MCF2L2: variants seen among roughly 807,000 people sequenced by gnomAD.
The protein encoded by MCF2L2 is MCF.2 cell line derived transforming sequence-like 2.
Under a neutral mutation model 150.2 loss-of-function variants are expected in MCF2L2, and 102 were observed. The ratio of observed to expected loss-of-function variants is 0.68; its 90% CI spans 0.58 to 0.80. MCF2L2 has a LOEUF of 0.80. Among genes scored for constraint, MCF2L2 ranks in the 30% least tolerant of loss-of-function variants. MCF2L2 has a pLI of 0.00. For missense variants in MCF2L2, 1,256 were observed against 1,372.8 expected, an observed-to-expected ratio of 0.91 and a Z score of 1.34; for synonymous variants, 465 against 491.3, an observed-to-expected ratio of 0.95 and a Z score of 0.71.
At chr3:183,396,942 A>AT (rs1714497646) in intron 1 of MCF2L2, among the ~76,000 whole-genome samples, 1 of 152,184 alleles carries the variant, frequency 6.6e-6, no homozygotes, top group Non-Finnish European at 1.5e-5. Context: ...AAACTGAATC[A>AT]TCCCCAGGGC....
At chr3:183,385,591 A>G (rs766686638) in intron 2 of MCF2L2, among the ~76,000 whole-genome samples, 5 of 152,230 alleles carry the variant, frequency 3.3e-5, no homozygotes, top group African/African-American at 7.2e-5. Flanking sequence ...AGAGGGAGAG[A>G]AAGTGAAAGA....
At chr3:183,230,697 G>A (rs914735473) in intron 16 of MCF2L2, among the ~76,000 whole-genome samples, 5 of 152,178 alleles carry the variant, frequency 3.3e-5, no homozygotes, top group Admixed American at 3.3e-4. Context: ...TTGTTGGCAA[G>A]AAGATGGTAA....
In MCF2L2 at chr3:183,272,891, A is replaced by C. The variant is rs1263772834; in HGVS notation, c.1862+3981T>G. On this transcript the variant is annotated intron_variant, in intron 15 of 29. Coordinates refer to ENST00000328913, the MANE Select transcript of MCF2L2 (RefSeq NM_015078.4). ...GTTTACAGCAGTGCTTTTGTGAAACAATTATTTATTTGCTGAAAGAGCTCT... is the reference window on the plus strand; with the variant it reads ...GTTTACAGCAGTGCTTTTGTGAAACCATTATTTATTTGCTGAAAGAGCTCT... 6 of 1,321,614 alleles carry C rather than the reference A, an allele frequency of 4.5e-6. No individual in the cohort carries two copies. In the African/African-American group the frequency reaches 4.6e-5, roughly 10 times the overall value. 81.9% of individuals were successfully genotyped at this position (1,321,614 alleles called of 1,614,324 possible). A position where few individuals can be genotyped will look rare whatever the true frequency, so the allele number is the denominator to read the frequency against.
At chr3:183,187,142 A>T (rs1040063190) in intron 27 of MCF2L2, among the ~76,000 whole-genome samples, 3 of 152,198 alleles carry the variant, frequency 2.0e-5, no homozygotes, top group African/African-American at 7.2e-5. Context: ...TAACACAAAA[A>T]AAAAGATAAT....
At chr3:183,295,776 G>A (rs867918158) in intron 12 of MCF2L2, among the ~76,000 whole-genome samples, 5 of 152,164 alleles carry the variant, frequency 3.3e-5, no homozygotes, top group Middle Eastern at 3.4e-3. Flanking sequence ...TGGTCAACAT[G>A]GTGAAATCAC....
chr3:183,205,979 T>C (rs1722455677), intron 24 of MCF2L2, 25 bp from the exon 25 acceptor site: 1 of 1,599,352 alleles, frequency 6.3e-7, no homozygotes, highest in Non-Finnish European at 8.6e-7. Context: ...AAGAAAACAC[T>C]ATAAGACTAC....
At position 183,248,047 on chromosome 3, in the gene MCF2L2, C is replaced by T. The variant is rs536469962; in HGVS notation, c.1863-17030G>A. Among the ~76,000 whole-genome samples the T allele has an allele frequency of 2.0e-5, 3 of 152,266 alleles. No homozygotes were observed. In the East Asian group the frequency reaches 5.8e-4, roughly 29 times the overall value. ...CCACACTGCTTTCCCTGCCCTGTGC[C>T]CCTTTTTGCAGATCTATTTGTGTCT... On this transcript the variant is annotated intron_variant, in intron 15 of 29. Coordinates refer to ENST00000328913, the MANE Select transcript of MCF2L2 (RefSeq NM_015078.4).
chr3:183,196,953 C>G (rs1259160884), intron 25 of MCF2L2, among the ~76,000 whole-genome samples: 1 of 152,066 alleles, frequency 6.6e-6, no homozygotes, highest in East Asian at 1.9e-4. Flanking sequence ...ATCTTCATAA[C>G]AAACTTGTCT....
chr3:183,371,827 G>C (rs1256043711), intron 3 of MCF2L2, among the ~76,000 whole-genome samples: 1 of 152,088 alleles, frequency 6.6e-6, no homozygotes, highest in African/African-American at 2.4e-5. Flanking sequence ...GAAGAGGGTA[G>C]AGGAATAGTC....
chr3:183,226,524 G>C (rs1221120660), intron 18 of MCF2L2: 1 of 152,206 alleles, frequency 6.6e-6, no homozygotes, highest in Non-Finnish European at 1.5e-5. Context: ...TTCTGGCTGG[G>C]TTAATGATTT....
At chr3:183,357,184 A>C (rs1711838031) in intron 3 of MCF2L2, among the ~76,000 whole-genome samples, 1 of 152,238 alleles carries the variant, frequency 6.6e-6, no homozygotes. Context: ...CATGCAGATA[A>C]ACCAAAAGAA....
intron 6 of MCF2L2, among the ~76,000 whole-genome samples, chr3:183,318,902 G>A (rs201085462): frequency 3.3e-5 from 5 of 152,308 alleles, no homozygotes; most frequent in Middle Eastern, 3.4e-3. Flanking sequence ...TTTTGCTGCC[G>A]GAGGGTCTTG....
At chr3:183,301,185 CTTCA>C (rs1173894605) in intron 10 of MCF2L2, among the ~76,000 whole-genome samples, 1 of 152,096 alleles carries the variant, frequency 6.6e-6, no homozygotes, top group African/African-American at 2.4e-5. Flanking sequence ...TTAAGCATTC[CTTCA>C]TTCATCCTTC....
intron 3 of MCF2L2, among the ~76,000 whole-genome samples, chr3:183,354,357 T>G (rs1489032376): frequency 6.6e-6 from 1 of 152,220 alleles, no homozygotes; most frequent in Non-Finnish European, 1.5e-5. Flanking sequence ...GGTCTTTTCC[T>G]GATCCAGGAG....
At chr3:183,193,527 T>A (rs918867352) in intron 26 of MCF2L2, among the ~76,000 whole-genome samples, 2 of 152,044 alleles carry the variant, frequency 1.3e-5, no homozygotes, top group Admixed American at 6.5e-5. Flanking sequence ...ATTTTTGTAT[T>A]TTTAGTAGAG....
chr3:183,258,258 A>T (rs140106228), intron 15 of MCF2L2: 4 of 152,590 alleles, frequency 2.6e-5, no homozygotes, highest in African/African-American at 9.7e-5. Flanking sequence ...GAGCCACCGC[A>T]CCCGGCCCAC....
chr3:183,325,880 G>A (rs1358532294), intron 5 of MCF2L2, among the ~76,000 whole-genome samples: 1 of 152,084 alleles, frequency 6.6e-6, no homozygotes, highest in African/African-American at 2.4e-5. Context: ...TATTAGAAGA[G>A]TTAATACTGT....
intron 26 of MCF2L2, among the ~76,000 whole-genome samples, chr3:183,193,508 A>G (rs1484362638): frequency 2.6e-5 from 4 of 151,788 alleles, no homozygotes; most frequent in Non-Finnish European, 4.4e-5. Flanking sequence ...GTGCCACCAC[A>G]CCCAGCTAAT....
At chr3:183,291,348 T>C (rs1172212594) in intron 13 of MCF2L2, among the ~76,000 whole-genome samples, 1 of 152,232 alleles carries the variant, frequency 6.6e-6, no homozygotes, top group East Asian at 1.9e-4. Flanking sequence ...ACCTTACCTT[T>C]TTCATCTGTA....
Sources: allele counts gnomAD v4.1 joint callset (sites outside exome capture counted in the v4.1 genomes callset), GRCh38; gene constraint gnomAD v4.1.1; transcripts MANE v1.5; gene names NCBI Gene and HGNC (gene_info 2026-07-23, HGNC 2026-07-21).